The following BAIAP2 variants were observed in gnomAD, a reference collection of about 807,000 sequenced individuals.
BAIAP2 encodes BAR/IMD domain-containing adapter protein 2.
BAIAP2 carries 18 observed loss-of-function variants against 63.0 expected under a neutral mutation model. That is an observed-to-expected ratio of 0.29 (90% confidence interval 0.20 to 0.42). The LOEUF (loss-of-function observed/expected upper bound fraction) is 0.42, where lower values mean the gene tolerates loss of function less well. Ranked by LOEUF, BAIAP2 falls within the 10% of genes least tolerant of loss-of-function variation. The pLI is 1.00. For synonymous variants in BAIAP2, 386 were observed against 307.6 expected, an observed-to-expected ratio of 1.25 and a Z score of -2.67; for missense variants, 610 against 734.3, an observed-to-expected ratio of 0.83 and a Z score of 1.96.
At chr17:81,071,507 G>C (rs2052653275) in intron 3 of BAIAP2, among the ~76,000 whole-genome samples, 1 of 152,218 alleles carries the variant, frequency 6.6e-6, no homozygotes, top group Non-Finnish European at 1.5e-5. Context: ...AGCCAGCTTG[G>C]AGCAGCTGAC....
chr17:81,101,887 G>T (rs371182316), intron 7 of BAIAP2, among the ~76,000 whole-genome samples: 1 of 152,100 alleles, frequency 6.6e-6, no homozygotes, highest in Non-Finnish European at 1.5e-5. Flanking sequence ...GCTGTGGAGC[G>T]CAGGCCTCCC....
intron 1 of BAIAP2, among the ~76,000 whole-genome samples, chr17:81,048,233 A>G (rs1315736882): frequency 6.6e-6 from 1 of 151,952 alleles, no homozygotes; most frequent in Non-Finnish European, 1.5e-5. Context: ...GAAATACAAA[A>G]ATTAGCTGGG....
At chr17:81,042,060 C>A (rs994198945) in intron 1 of BAIAP2, among the ~76,000 whole-genome samples, 13 of 152,112 alleles carry the variant, frequency 8.5e-5, no homozygotes, top group Non-Finnish European at 1.5e-5. Context: ...AGAACACCTC[C>A]TGAGTATGTC....
In BAIAP2 at chr17:81,040,246, G is replaced by A. The variant is rs542661797; in HGVS notation, c.54+4938G>A. ...TTCTTTGAGGCCCCAGGATAGGGAA[G>A]CATCTTTGTGGCTGCACAGAGCCCG... On this transcript the variant is annotated intron_variant, in intron 1 of 13. Transcript: ENST00000428708. Among the ~76,000 whole-genome samples the A allele has an allele frequency of 2.0e-5, 3 of 152,384 alleles. No homozygotes were observed. The South Asian group carries it at 6.2e-4, about 32-fold the overall frequency.
At chr17:81,085,791 C>A in intron 5 of BAIAP2, 66 bp downstream of exon 5, 1 of 1,291,166 alleles carries the variant, frequency 7.7e-7, no homozygotes, top group Non-Finnish European at 1.1e-6. Context: ...AAATGCCTGC[C>A]ACTCCTTCCT....
chr17:81,059,617 T>A (rs967523635), intron 3 of BAIAP2, among the ~76,000 whole-genome samples: 16 of 151,916 alleles, frequency 1.1e-4, no homozygotes, highest in Admixed American at 6.6e-4. Flanking sequence ...GCTGATTTTT[T>A]ATTTTTAATT....
chr17:81,108,893 G>C (rs1015588366), intron 13 of BAIAP2: 20 of 1,510,484 alleles, frequency 1.3e-5, no homozygotes, highest in South Asian at 7.5e-5. Flanking sequence ...GGCATTGCTC[G>C]GTGCTGGCGG....
chr17:81,085,262 G>T (rs894444678), intron 4 of BAIAP2: 3 of 495,670 alleles, frequency 6.1e-6, no homozygotes, highest in Non-Finnish European at 1.1e-5. Context: ...AGAGCACGTT[G>T]CTGGCGGCTG....
chr17:81,036,733 G>A (rs4969350), intron 1 of BAIAP2: 597,151 of 761,998 alleles, frequency 0.78, 235,707 homozygotes, highest in Non-Finnish European at 0.82. Flanking sequence ...GGGGTTGTTA[G>A]GTTTGGTTTC....
chr17:81,108,440 C>T (rs2059431446), intron 12 of BAIAP2, 35 bp from the exon 13 acceptor site: 1 of 1,613,108 alleles, frequency 6.2e-7, no homozygotes, highest in Non-Finnish European at 8.5e-7. Flanking sequence ...CAGGCCCCGT[C>T]ACCCGGCCTG....
At chr17:81,079,317 T>C (rs1439629284) in intron 3 of BAIAP2, among the ~76,000 whole-genome samples, 3 of 152,156 alleles carry the variant, frequency 2.0e-5, no homozygotes, top group Non-Finnish European at 4.4e-5. Flanking sequence ...GTTTCACTCT[T>C]AGCCTGGCGA....
intron 1 of BAIAP2, among the ~76,000 whole-genome samples, chr17:81,050,921 C>T (rs949886493): frequency 1.9e-4 from 29 of 151,870 alleles, no homozygotes; most frequent in African/African-American, 7.0e-4. Context: ...TCCCGACCGC[C>T]TTCACCGCCA....
chr17:81,110,846 C>A, intron 13 of BAIAP2: 5 of 1,598,772 alleles, frequency 3.1e-6, no homozygotes, highest in Non-Finnish European at 4.3e-6. Flanking sequence ...CCGTGGTCCC[C>A]CCTCCTCTGC....
intron 3 of BAIAP2, among the ~76,000 whole-genome samples, chr17:81,077,739 A>G (rs1205933279): frequency 6.6e-6 from 1 of 151,902 alleles, no homozygotes; most frequent in African/African-American, 2.4e-5. Flanking sequence ...TGCGAGCCAG[A>G]CACCGTGGGT....
intron 3 of BAIAP2, among the ~76,000 whole-genome samples, chr17:81,082,324 A>G (rs561572295): frequency 6.6e-6 from 1 of 152,244 alleles, no homozygotes; most frequent in Admixed American, 6.5e-5. Flanking sequence ...GCCCGCACAC[A>G]TATGTGATAC....
chr17:81,085,544 C>T (rs760947601), intron 4 of BAIAP2, 110 bp from the exon 5 acceptor site: 3 of 905,226 alleles, frequency 3.3e-6, no homozygotes, highest in Non-Finnish European at 5.4e-6. Flanking sequence ...CCCTCCTGCA[C>T]AGCCGGGACA....
chr17:81,070,012 A>G (rs2052301441), intron 3 of BAIAP2, among the ~76,000 whole-genome samples: 1 of 151,804 alleles, frequency 6.6e-6, no homozygotes, highest in African/African-American at 2.4e-5. Flanking sequence ...CTCAGGCTAG[A>G]GTGTGGTGGC....
intron 1 of BAIAP2, among the ~76,000 whole-genome samples, chr17:81,036,565 C>G (rs937979560): frequency 2.6e-5 from 4 of 152,236 alleles, no homozygotes; most frequent in African/African-American, 9.6e-5. Context: ...TTGAATACAG[C>G]TTTCAATAAA....
intron 3 of BAIAP2, among the ~76,000 whole-genome samples, chr17:81,071,834 C>T (rs1457284772): frequency 6.6e-6 from 1 of 152,252 alleles, no homozygotes; most frequent in Non-Finnish European, 1.5e-5. Context: ...TGGAGCAGTT[C>T]CCACGCCAAG....
Sources: gnomAD v4.1 joint callset for allele counts (sites outside exome capture counted in the v4.1 genomes callset) on GRCh38, gnomAD v4.1.1 for gene constraint, MANE v1.5 for transcripts, NCBI Gene and HGNC (gene_info 2026-07-23, HGNC 2026-07-21) for gene names.